DGKB: variants seen among roughly 807,000 people sequenced by gnomAD.
DGKB encodes the protein diacylglycerol kinase beta.
DGKB carries 67 observed loss-of-function variants against 114.3 expected under a neutral mutation model. That is an observed-to-expected ratio of 0.59 (90% confidence interval 0.48 to 0.72). DGKB has a LOEUF of 0.72. Among genes scored for constraint, DGKB ranks in the 30% least tolerant of loss-of-function variants. The pLI is 0.00. For synonymous variants in DGKB, 398 were observed against 323.1 expected, an observed-to-expected ratio of 1.23 and a Z score of -2.49; for missense variants, 907 against 975.2, an observed-to-expected ratio of 0.93 and a Z score of 0.93.
chr7:14,368,129 C>G (rs575339756), intron 21 of DGKB, among the ~76,000 whole-genome samples: 2 of 151,864 alleles, frequency 1.3e-5, no homozygotes, highest in East Asian at 1.9e-4. Context: ...TTCCCATATA[C>G]TCCCTACCCC....
chr7:14,524,096 A>G (rs1343775586), intron 20 of DGKB, among the ~76,000 whole-genome samples: 1 of 152,188 alleles, frequency 6.6e-6, no homozygotes, highest in Non-Finnish European at 1.5e-5. Flanking sequence ...TGTTTAACAT[A>G]TATTTAACGA....
chr7:14,405,059 C>A (rs978380806), intron 21 of DGKB, among the ~76,000 whole-genome samples: 1 of 151,194 alleles, frequency 6.6e-6, no homozygotes, highest in Non-Finnish European at 1.5e-5. Flanking sequence ...TAGATTCCAC[C>A]ATTTAGAGCT....
chr7:14,833,037 T>C (rs1156752193), intron 2 of DGKB, among the ~76,000 whole-genome samples: 3 of 152,116 alleles, frequency 2.0e-5, no homozygotes, highest in Non-Finnish European at 4.4e-5. Context: ...CACACTGACT[T>C]ACTTCTAAAA....
chr7:14,812,691 C>A (rs988714289), intron 2 of DGKB, among the ~76,000 whole-genome samples: 1 of 152,118 alleles, frequency 6.6e-6, no homozygotes, highest in South Asian at 2.1e-4. Context: ...GTCAAATATC[C>A]CAGGCTTCAA....
chr7:14,162,800 A>C (rs1378772492), intron 25 of DGKB, among the ~76,000 whole-genome samples: 4 of 152,190 alleles, frequency 2.6e-5, no homozygotes, highest in Non-Finnish European at 5.9e-5. Context: ...ACAAGAAAAA[A>C]ATCTTTAAAA....
chr7:14,778,245 T>C (rs1838512543), intron 2 of DGKB, among the ~76,000 whole-genome samples: 1 of 152,198 alleles, frequency 6.6e-6, no homozygotes, highest in African/African-American at 2.4e-5. Flanking sequence ...TTATTTTATC[T>C]GTAAATAAAG....
intron 23 of DGKB, among the ~76,000 whole-genome samples, chr7:14,250,956 C>CT (rs1005593646): frequency 2.0e-5 from 3 of 152,110 alleles, no homozygotes; most frequent in Admixed American, 6.6e-5. Flanking sequence ...CCACCCTGCT[C>CT]TTTTTTATTA....
intron 6 of DGKB, among the ~76,000 whole-genome samples, chr7:14,717,124 C>T (rs975377257): frequency 6.6e-6 from 1 of 152,068 alleles, no homozygotes; most frequent in Non-Finnish European, 1.5e-5. Context: ...CAACTGTAGA[C>T]AAAATCTATG....
At chr7:14,735,943 A>G (rs1831645471) in intron 5 of DGKB, 98 bp downstream of exon 5, 9 of 774,626 alleles carry the variant, frequency 1.2e-5, no homozygotes, top group South Asian at 9.6e-5. Context: ...TAACAAAACA[A>G]TTTTTATGCA....
chr7:14,188,179 A>G (rs1783728025), intron 23 of DGKB, among the ~76,000 whole-genome samples: 1 of 152,212 alleles, frequency 6.6e-6, no homozygotes, highest in South Asian at 2.1e-4. Flanking sequence ...AGTAGAAATA[A>G]GAAAAATAGA....
At chr7:14,183,548 C>T (rs1782949426) in intron 23 of DGKB, among the ~76,000 whole-genome samples, 1 of 152,112 alleles carries the variant, frequency 6.6e-6, no homozygotes, top group Admixed American at 6.5e-5. Context: ...CTACTATATG[C>T]CTGCTATGAG....
In DGKB at chr7:14,841,197, C is replaced by G; in HGVS notation, c.67G>C (p.Glu23Gln). The G allele has an allele frequency of 1.2e-6, 2 of 1,611,548 alleles. No homozygotes were observed. Among genetic ancestry groups the G allele is most frequent in the East Asian group, 2.2e-5 (1 of 44,848 alleles). The change falls in exon 2 of 26, where the codon GAG (glutamate) becomes CAG (glutamine). Residue 23 changes from glutamate (E) to glutamine (Q), a missense_variant. This residue lies in a region of DGKB where 814 missense variants were observed against 856.6 expected (regional missense o/e 0.95). Coordinates refer to ENST00000402815, the MANE Select transcript of DGKB (RefSeq NM_001350709.2). ...SEFSQLQKYA[E>Q]YSTKKLKDVL... ...TAATATCAATATGAATACTTACACT[C>G]AGCATATTTCTGAAGTTGGGAAAAT...
intron 23 of DGKB, among the ~76,000 whole-genome samples, chr7:14,239,152 G>A (rs1049016657): frequency 3.3e-5 from 5 of 151,900 alleles, no homozygotes; most frequent in African/African-American, 7.3e-5. Context: ...CTCAGCAGTC[G>A]TTACTTCCTT....
chr7:14,474,027 C>G (rs545489072), intron 21 of DGKB, among the ~76,000 whole-genome samples: 53 of 152,142 alleles, frequency 3.5e-4, no homozygotes, highest in African/African-American at 1.3e-3. Flanking sequence ...TGAATTAAGA[C>G]TTTGGGGGAC....
At chr7:14,180,981 G>A (rs73271726) in intron 23 of DGKB, among the ~76,000 whole-genome samples, 4,712 of 152,128 alleles carry the variant, frequency 0.031, 78 homozygotes, top group African/African-American at 0.049. Context: ...GCAAAAGATG[G>A]CCTATGGACC....
intron 23 of DGKB, among the ~76,000 whole-genome samples, chr7:14,216,247 T>C (rs1187226048): frequency 3.9e-5 from 6 of 152,112 alleles, no homozygotes; most frequent in Non-Finnish European, 8.8e-5. Context: ...AGATAAGGAA[T>C]GTGGTTAGAG....
intron 21 of DGKB, among the ~76,000 whole-genome samples, chr7:14,463,076 T>G (rs1004963593): frequency 1.9e-4 from 29 of 152,256 alleles, no homozygotes; most frequent in South Asian, 6.2e-4. Flanking sequence ...CCTTACACTT[T>G]ATACAAAAAT....
At chr7:14,910,880 G>A (rs1274048456) in intron 1 of DGKB, among the ~76,000 whole-genome samples, 1 of 151,976 alleles carries the variant, frequency 6.6e-6, no homozygotes, top group Admixed American at 6.6e-5. Context: ...TTGAAATATT[G>A]ATATTTTATA....
At chr7:14,843,065 G>A (rs1848156147) in intron 1 of DGKB, among the ~76,000 whole-genome samples, 1 of 151,974 alleles carries the variant, frequency 6.6e-6, no homozygotes. Context: ...TTAGTTGGAT[G>A]TAGTGGTGCA....
Sources: allele counts gnomAD v4.1 joint callset (sites outside exome capture counted in the v4.1 genomes callset), GRCh38; gene constraint gnomAD v4.1.1; regional missense constraint gnomAD v4.1.1; transcripts MANE v1.5; gene names NCBI Gene and HGNC (gene_info 2026-07-23, HGNC 2026-07-21).